Variants in FRMD4B observed in about 807,000 individuals in gnomAD.
FRMD4B encodes the protein FERM domain containing 4B, also known as FERM domain-containing protein 4B.
Under a neutral mutation model 141.5 loss-of-function variants are expected in FRMD4B, and 74 were observed. The ratio of observed to expected loss-of-function variants is 0.52; its 90% CI spans 0.43 to 0.63. The LOEUF is 0.63. FRMD4B is among the 30% of genes least tolerant of loss of function. The pLI is 0.00. For missense variants in FRMD4B, 1,366 were observed against 1,253.4 expected, an observed-to-expected ratio of 1.09 and a Z score of -1.36; for synonymous variants, 506 against 467.9, an observed-to-expected ratio of 1.08 and a Z score of -1.05.
intron 2 of FRMD4B, among the ~76,000 whole-genome samples, chr3:69,406,904 A>T (rs951620355): frequency 6.6e-5 from 7 of 106,802 alleles, no homozygotes; most frequent in Non-Finnish European, 1.1e-4. Context: ...GTTAATTTTT[A>T]ATTTTAATTT....
chr3:69,252,696 C>G (rs1384312950), intron 5 of FRMD4B, among the ~76,000 whole-genome samples: 1 of 152,186 alleles, frequency 6.6e-6, no homozygotes, highest in African/African-American at 2.4e-5. Context: ...TCCAGGATTT[C>G]AAGCCTGAAG....
intron 1 of FRMD4B, among the ~76,000 whole-genome samples, chr3:69,454,408 C>T (rs1705551644): frequency 6.6e-6 from 1 of 152,222 alleles, no homozygotes; most frequent in South Asian, 2.1e-4. Context: ...AGGCCAGAGC[C>T]ACTCCCTCTG....
chr3:69,403,076 CTG>C (rs1183654864), intron 2 of FRMD4B, among the ~76,000 whole-genome samples: 1 of 152,192 alleles, frequency 6.6e-6, no homozygotes, highest in Non-Finnish European at 1.5e-5. Context: ...GATACTGGGT[CTG>C]TGTCCACACT....
intron 1 of FRMD4B, among the ~76,000 whole-genome samples, chr3:69,529,448 CAG>C (rs890969147): frequency 2.0e-5 from 3 of 152,140 alleles, no homozygotes; most frequent in Non-Finnish European, 4.4e-5. Flanking sequence ...CGACTTGACT[CAG>C]GGGATGCTGC....
intron 11 of FRMD4B, among the ~76,000 whole-genome samples, chr3:69,204,847 G>A (rs1266453357): frequency 2.0e-5 from 3 of 151,996 alleles, no homozygotes; most frequent in Non-Finnish European, 4.4e-5. Context: ...ACAACCACAT[G>A]GGGCAGTACT....
At chr3:69,190,091 C>T in intron 17 of FRMD4B, 139 bp from the exon 18 acceptor site, 1 of 580,768 alleles carries the variant, frequency 1.7e-6, no homozygotes, top group Non-Finnish European at 3.1e-6. Context: ...TAATTAACTA[C>T]CATAGTAAGA....
At chr3:69,384,764 C>A (rs1343205613) in intron 1 of FRMD4B, among the ~76,000 whole-genome samples, 1 of 152,194 alleles carries the variant, frequency 6.6e-6, no homozygotes, top group Non-Finnish European at 1.5e-5. Flanking sequence ...CACAGGCTAA[C>A]CTTAGGTGCT....
At chr3:69,291,244 C>T (rs1303294732) in intron 4 of FRMD4B, among the ~76,000 whole-genome samples, 1 of 151,994 alleles carries the variant, frequency 6.6e-6, no homozygotes, top group African/African-American at 2.4e-5. Context: ...TATTTTTTTC[C>T]TTCACTTTTA....
Position 69,233,003 on chromosome 3 carries a change from T to C in FRMD4B, c.582-8313A>G, listed in dbSNP as rs539942038. 4.0e-5 allele frequency among the ~76,000 whole-genome samples: 6 copies of C among 151,368 alleles called. No individual in the cohort carries two copies. In the South Asian group the frequency reaches 1.3e-3, roughly 32 times the overall value. The stretch of plus-strand genomic sequence containing the variant: ...TTGGGCTCAAGTGATCCTCCCATCT[T>C]GGCTTCTCAAAGTACTGGGATTACA... On this transcript the variant is annotated intron_variant, in intron 7 of 22. Coordinates refer to ENST00000398540, the MANE Select transcript of FRMD4B (RefSeq NM_015123.3).
In FRMD4B at chr3:69,259,650, A is replaced by C. The variant is rs17005575; in HGVS notation, c.502-9551T>G. Among the ~76,000 whole-genome samples, 1,310 of 152,324 alleles carry C rather than the reference A, an allele frequency of 8.6e-3. 15 individuals are homozygous for C. The highest frequency in any genetic ancestry group is 0.024 in the African/African-American group (998 of 41,562). On this transcript the variant is annotated intron_variant, in intron 5 of 22. Transcript: ENST00000398540. ...TCACTGTTCATTACAATATGTGTCA[A>C]TATCTGATAGGATAAGTGCTTTAAT...
At position 69,181,380 on chromosome 3, in the gene FRMD4B, A is replaced by G. The variant is rs1161373945; in HGVS notation, c.2370T>C (p.Asn790=). ...PNLAQKDSLR[N]GVYSKSQEPP... is the part of the protein sequence containing the mutation. ...GCTCCTGACTCTTTGAGTAAACACC[A>G]TTCCTCAAACTATCCTTTTGTGCTA... Residue 790 remains asparagine (N), a synonymous_variant, in exon 21 of 23, where the codon AAT becomes AAC. Transcript: ENST00000398540. 2 of 1,613,514 alleles carry G rather than the reference A, an allele frequency of 1.2e-6. No homozygotes were observed. Among genetic ancestry groups the G allele is most frequent in the Non-Finnish European group, 1.7e-6 (2 of 1,179,426 alleles).
chr3:69,415,826 A>G (rs973472001), intron 2 of FRMD4B, among the ~76,000 whole-genome samples: 6 of 152,170 alleles, frequency 3.9e-5, no homozygotes, highest in Non-Finnish European at 5.9e-5. Context: ...TCCATCCTTC[A>G]TGGCACATTG....
chr3:69,359,028 T>C (rs1703400546), intron 1 of FRMD4B, among the ~76,000 whole-genome samples: 1 of 152,164 alleles, frequency 6.6e-6, no homozygotes, highest in Admixed American at 6.5e-5. Context: ...CTGTGGTATT[T>C]GGCTATAGAC....
At chr3:69,399,173 G>T (rs547828977) in intron 2 of FRMD4B, among the ~76,000 whole-genome samples, 150 of 152,306 alleles carry the variant, frequency 9.8e-4, no homozygotes, top group African/African-American at 3.5e-3. Flanking sequence ...GAAATTGGTT[G>T]TATCCATTGC....
intron 1 of FRMD4B, among the ~76,000 whole-genome samples, chr3:69,437,545 T>C (rs1355827344): frequency 7.0e-6 from 1 of 143,666 alleles, no homozygotes; most frequent in Non-Finnish European, 1.5e-5. Flanking sequence ...TAATAAATAT[T>C]AATTAAAATA....
At chr3:69,404,737 T>C (rs1704622243) in intron 2 of FRMD4B, among the ~76,000 whole-genome samples, 1 of 151,992 alleles carries the variant, frequency 6.6e-6, no homozygotes, top group African/African-American at 2.4e-5. Flanking sequence ...TGTGAGCAGC[T>C]TGGAATGAGG....
intron 2 of FRMD4B, among the ~76,000 whole-genome samples, chr3:69,393,329 CAAAA>C (rs3032132): frequency 7.9e-6 from 1 of 126,198 alleles, no homozygotes; most frequent in Middle Eastern, 4.0e-3. Context: ...TGAAGAAGTA[CAAAA>C]AAAAAAAAAA....
At chr3:69,535,496 C>T (rs1486778732) in intron 1 of FRMD4B, among the ~76,000 whole-genome samples, 1 of 152,232 alleles carries the variant, frequency 6.6e-6, no homozygotes, top group Non-Finnish European at 1.5e-5. Flanking sequence ...TGAGCCTTTA[C>T]ATCTGCACAA....
chr3:69,391,245 T>TA (rs1449797155), intron 2 of FRMD4B, among the ~76,000 whole-genome samples: 14 of 139,912 alleles, frequency 1.0e-4, no homozygotes, highest in African/African-American at 3.5e-4. Flanking sequence ...TTTATTTATT[T>TA]TTATTTTTTT....
Sources: gnomAD v4.1 joint callset for allele counts (sites outside exome capture counted in the v4.1 genomes callset) on GRCh38, gnomAD v4.1.1 for gene constraint, MANE v1.5 for transcripts, NCBI Gene and HGNC (gene_info 2026-07-23, HGNC 2026-07-21) for gene names.